The following ARHGAP22 variants were observed in gnomAD, a reference collection of about 807,000 sequenced individuals.
The protein encoded by ARHGAP22 is Rho GTPase activating protein 22, also known as rho GTPase-activating protein 22.
ARHGAP22 carries 48 observed loss-of-function variants against 59.1 expected under a neutral mutation model. The observed-to-expected ratio is 0.81, with a 90% CI of 0.64 to 1.03. The LOEUF (loss-of-function observed/expected upper bound fraction) is 1.03, where lower values mean the gene tolerates loss of function less well. Among genes scored for constraint, ARHGAP22 ranks in the 50% least tolerant of loss-of-function variants. The pLI is 0.00. For missense variants in ARHGAP22, 1,015 were observed against 958.7 expected (o/e 1.06, Z -0.78); for synonymous variants, 445 against 416.4 (o/e 1.07, Z -0.84).
At chr10:48,461,209 AC>A (rs1282092069) in intron 4 of ARHGAP22, among the ~76,000 whole-genome samples, 2 of 152,228 alleles carry the variant, frequency 1.3e-5, no homozygotes, top group East Asian at 3.8e-4. Flanking sequence ...AAGAAGCCAA[AC>A]CCCAGAGTGC....
At chr10:48,517,747 C>T (rs548080898) in intron 3 of ARHGAP22, among the ~76,000 whole-genome samples, 6 of 152,262 alleles carry the variant, frequency 3.9e-5, no homozygotes, top group African/African-American at 7.2e-5. Flanking sequence ...GAGGGGGTGC[C>T]GGGACTTCTC....
chr10:48,446,627 G>A lies in ARHGAP22; in HGVS notation c.1869-8C>T. 6.2e-7 allele frequency: 1 copy of A among 1,612,348 alleles called. No homozygotes were observed. The highest frequency in any genetic ancestry group is 8.5e-7 in the Non-Finnish European group (1 of 1,178,912). ...GCACTCCCTTCTTCGATTCTGAAAA[G>A]TCAAGGAGAGATGCTGTTTGAGACT... is the stretch of plus-strand genomic sequence containing the variant. On this transcript the variant is annotated splice_region_variant and splice_polypyrimidine_tract_variant and intron_variant, in intron 9 of 9. Coordinates refer to ENST00000249601, the MANE Select transcript of ARHGAP22 (RefSeq NM_021226.4).
the ARHGAP22 span, chr10:48,436,839 T>A: frequency 6.6e-5 from 10 of 152,354 alleles, no homozygotes; most frequent in Non-Finnish European, 1.2e-4. Context: ...TTAATTTGAT[T>A]AGGCAAATTA....
chr10:48,496,424 G>C (rs2134297448), intron 3 of ARHGAP22, among the ~76,000 whole-genome samples: 1 of 152,294 alleles, frequency 6.6e-6, no homozygotes, highest in South Asian at 2.1e-4. Flanking sequence ...CCTCTCCATA[G>C]CTTGTGAGAT....
At chr10:48,490,513 T>C (rs1262487074) in intron 3 of ARHGAP22, among the ~76,000 whole-genome samples, 2 of 152,308 alleles carry the variant, frequency 1.3e-5, no homozygotes, top group East Asian at 3.9e-4. Flanking sequence ...CTATTGCCTA[T>C]GAGTCTAAAT....
chr10:48,519,993 T>A (rs2053654417), intron 3 of ARHGAP22, among the ~76,000 whole-genome samples: 2 of 152,102 alleles, frequency 1.3e-5, no homozygotes. Flanking sequence ...AGCAGTGCCA[T>A]CAAGGCGATA....
chr10:48,495,220 G>T (rs1163833395), intron 3 of ARHGAP22, among the ~76,000 whole-genome samples: 2 of 152,156 alleles, frequency 1.3e-5, no homozygotes, highest in Admixed American at 6.5e-5. Context: ...AGTCACAGAG[G>T]GGGATGTGGA....
intron 4 of ARHGAP22, chr10:48,466,838 G>T (rs984562015): frequency 6.6e-6 from 1 of 152,184 alleles, no homozygotes; most frequent in African/African-American, 2.4e-5. Context: ...CACGCCCGAA[G>T]TCGGCCCCCG....
At chr10:48,638,219 G>A (rs958543629) in intron 1 of ARHGAP22, among the ~76,000 whole-genome samples, 4 of 152,102 alleles carry the variant, frequency 2.6e-5, no homozygotes, top group Admixed American at 2.6e-4. Flanking sequence ...ATTCCCTTTT[G>A]TGTATCTTTC....
intron 2 of ARHGAP22, among the ~76,000 whole-genome samples, chr10:48,572,665 G>A (rs542808577): frequency 1.1e-4 from 17 of 152,220 alleles, no homozygotes; most frequent in African/African-American, 4.1e-4. Flanking sequence ...ATCTGTTCAG[G>A]ACAAATTCCT....
At chr10:48,596,723 C>T (rs1354298981) in intron 1 of ARHGAP22, among the ~76,000 whole-genome samples, 1 of 152,202 alleles carries the variant, frequency 6.6e-6, no homozygotes, top group Non-Finnish European at 1.5e-5. Context: ...CCAACTTCTG[C>T]CTTCAACCCA....
intron 1 of ARHGAP22, among the ~76,000 whole-genome samples, chr10:48,638,019 C>T (rs372964995): frequency 1.1e-3 from 160 of 152,270 alleles, no homozygotes; most frequent in African/African-American, 3.6e-3. Flanking sequence ...TAAGTAGTCT[C>T]CTGCCTAGTA....
the ARHGAP22 span, chr10:48,437,891 C>T: frequency 6.6e-6 from 1 of 152,202 alleles, no homozygotes; most frequent in African/African-American, 2.4e-5. Flanking sequence ...CTGTTCTATG[C>T]TAATCCTGCT....
At chr10:48,574,988 A>C (rs1474347645) in intron 2 of ARHGAP22, 1 of 152,152 alleles carries the variant, frequency 6.6e-6, no homozygotes, top group Non-Finnish European at 1.5e-5. Flanking sequence ...AGGTATTTGG[A>C]TCATGGGGGC....
chr10:48,537,672 G>C (rs4838418), intron 3 of ARHGAP22, among the ~76,000 whole-genome samples: 47,303 of 152,178 alleles, frequency 0.31, 8,691 homozygotes, highest in East Asian at 0.9. Context: ...GCGCACACAG[G>C]GGGGAAGCAG....
intron 4 of ARHGAP22, among the ~76,000 whole-genome samples, chr10:48,469,422 G>A (rs1403644309): frequency 6.6e-6 from 1 of 152,242 alleles, no homozygotes; most frequent in East Asian, 1.9e-4. Context: ...AAGCAACCCA[G>A]TTAACAGTTG....
chr10:48,579,394 G>A (rs2058969357), intron 2 of ARHGAP22, among the ~76,000 whole-genome samples: 1 of 152,214 alleles, frequency 6.6e-6, no homozygotes. Flanking sequence ...AAACCTGGAA[G>A]CCTCTACTTG....
upstream of ARHGAP22, among the ~76,000 whole-genome samples, chr10:48,607,704 T>C (rs1361634039): frequency 6.6e-6 from 1 of 152,228 alleles, no homozygotes; most frequent in Admixed American, 6.5e-5. Flanking sequence ...CAGGTCTAGC[T>C]TAGCAGCGGA....
chr10:48,609,013 A>G (rs1358835753), upstream of ARHGAP22, among the ~76,000 whole-genome samples: 1 of 152,218 alleles, frequency 6.6e-6, no homozygotes, highest in African/African-American at 2.4e-5. Flanking sequence ...GTTCAATGAC[A>G]TCATGCTGGT....
Sources: allele counts gnomAD v4.1 joint callset (sites outside exome capture counted in the v4.1 genomes callset), GRCh38; gene constraint gnomAD v4.1.1; transcripts MANE v1.5; gene names NCBI Gene and HGNC (gene_info 2026-07-23, HGNC 2026-07-21).